The following ZHX2 variants were observed in gnomAD, a reference collection of about 807,000 sequenced individuals.
ZHX2 encodes the protein zinc fingers and homeoboxes protein 2.
ZHX2 carries 6 observed loss-of-function variants against 21.9 expected under a neutral mutation model. The observed-to-expected ratio is 0.27, with a 90% CI of 0.15 to 0.54. The LOEUF (loss-of-function observed/expected upper bound fraction) is 0.54. Ranked by LOEUF, ZHX2 falls within the 20% of genes least tolerant of loss-of-function variation. The pLI, the probability that ZHX2 is intolerant of heterozygous loss-of-function variation, is 0.95. For synonymous variants in ZHX2, 434 were observed against 437.1 expected (o/e 0.99, Z 0.09); for missense variants, 908 against 1,090.7 (o/e 0.83, Z 2.36).
intron 2 of ZHX2, among the ~76,000 whole-genome samples, chr8:122,912,208 C>A (rs1338392514): frequency 6.6e-6 from 1 of 152,214 alleles, no homozygotes; most frequent in Non-Finnish European, 1.5e-5. Context: ...TAACACATAG[C>A]ACAGACTCAG....
chr8:122,921,431 C>T (rs1467408791), intron 2 of ZHX2, among the ~76,000 whole-genome samples: 1 of 152,160 alleles, frequency 6.6e-6, no homozygotes, highest in Non-Finnish European at 1.5e-5. Flanking sequence ...GATGAGCACT[C>T]CGGCTGTTTT....
At chr8:122,865,582 A>G (rs1477294544) in intron 2 of ZHX2, among the ~76,000 whole-genome samples, 5 of 152,172 alleles carry the variant, frequency 3.3e-5, no homozygotes, top group Non-Finnish European at 7.3e-5. Context: ...GGTTCAGAGC[A>G]TGGTCCCTGG....
intron 1 of ZHX2, among the ~76,000 whole-genome samples, chr8:122,799,277 G>T (rs567360024): frequency 1.3e-5 from 2 of 152,298 alleles, no homozygotes; most frequent in South Asian, 2.1e-4. Flanking sequence ...GAGGGAAGTG[G>T]GTTAGGCAGT....
chr8:122,966,814 G>A (rs12334617), intron 3 of ZHX2, among the ~76,000 whole-genome samples: 8,751 of 152,128 alleles, frequency 0.058, 845 homozygotes, highest in African/African-American at 0.2. Context: ...GTCATTTCAC[G>A]TAATCCCAAA....
chr8:122,858,681 G>C (rs1819093904), intron 1 of ZHX2, among the ~76,000 whole-genome samples: 1 of 135,454 alleles, frequency 7.4e-6, no homozygotes, highest in African/African-American at 2.8e-5. Flanking sequence ...CACTCTGTTG[G>C]CTAGGCTGGA....
intron 1 of ZHX2, among the ~76,000 whole-genome samples, chr8:122,827,650 A>G (rs2130660764): frequency 6.6e-6 from 1 of 152,358 alleles, no homozygotes; most frequent in East Asian, 1.9e-4. Flanking sequence ...TCAGAATCAG[A>G]ATCTTTAGGG....
At chr8:122,936,863 G>A (rs556433614) in intron 2 of ZHX2, among the ~76,000 whole-genome samples, 25 of 134,514 alleles carry the variant, frequency 1.9e-4, no homozygotes, top group Admixed American at 3.2e-4. Flanking sequence ...GAGCACATTC[G>A]TTCTCCCAAG....
chr8:122,862,371 G>T (rs1444716020), intron 1 of ZHX2, among the ~76,000 whole-genome samples: 1 of 152,208 alleles, frequency 6.6e-6, no homozygotes, highest in Non-Finnish European at 1.5e-5. Flanking sequence ...TTCCCCACGT[G>T]GAGAATGGGC....
At chr8:122,957,327 C>G (rs919957605) in intron 3 of ZHX2, among the ~76,000 whole-genome samples, 4 of 151,844 alleles carry the variant, frequency 2.6e-5, no homozygotes, top group Non-Finnish European at 5.9e-5. Context: ...TGCAGGAACC[C>G]CACTTTATGT....
intron 2 of ZHX2, among the ~76,000 whole-genome samples, chr8:122,885,355 A>G (rs901822932): frequency 5.3e-5 from 8 of 152,262 alleles, no homozygotes; most frequent in African/African-American, 1.9e-4. Flanking sequence ...GCCAGTCTGC[A>G]TGCATCAGCA....
chr8:122,869,266 C>CCCT (rs1415988734), intron 2 of ZHX2, among the ~76,000 whole-genome samples: 1 of 152,104 alleles, frequency 6.6e-6, no homozygotes, highest in Non-Finnish European at 1.5e-5. Flanking sequence ...TCCTATCCCA[C>CCCT]CCTCCCATTC....
intron 2 of ZHX2, among the ~76,000 whole-genome samples, chr8:122,918,959 A>C (rs931909356): frequency 2.6e-5 from 4 of 152,042 alleles, no homozygotes; most frequent in Admixed American, 6.6e-5. Flanking sequence ...AAAAAAAAAA[A>C]AAAACTTTAT....
intron 2 of ZHX2, among the ~76,000 whole-genome samples, chr8:122,909,965 C>T (rs1426182254): frequency 1.3e-5 from 2 of 152,132 alleles, no homozygotes; most frequent in Non-Finnish European, 2.9e-5. Context: ...GGAAGGGCAG[C>T]CTCTCAGAAA....
chr8:122,886,495 A>G (rs1819845302), intron 2 of ZHX2, among the ~76,000 whole-genome samples: 1 of 152,170 alleles, frequency 6.6e-6, no homozygotes, highest in Admixed American at 6.5e-5. Context: ...ATGTATTCAT[A>G]TTGGTTCATC....
chr8:122,883,994 C>T (rs1819776272), intron 2 of ZHX2, among the ~76,000 whole-genome samples: 1 of 152,206 alleles, frequency 6.6e-6, no homozygotes, highest in Non-Finnish European at 1.5e-5. Context: ...TTGTGAACCT[C>T]ATAGAGTGAA....
intron 2 of ZHX2, among the ~76,000 whole-genome samples, chr8:122,887,050 CGTGTGTGTGTGTGTGTGTGTGTGT>C (rs10549696): frequency 7.3e-6 from 1 of 136,372 alleles, no homozygotes; most frequent in Non-Finnish European, 1.6e-5. Flanking sequence ...GCTCTGCCAC[CGTGTGTGTGTGTGTGTGTGTGTGT>C]GTGTGTGTGT....
intron 1 of ZHX2, among the ~76,000 whole-genome samples, chr8:122,834,642 G>A (rs1209588150): frequency 6.6e-6 from 1 of 152,166 alleles, no homozygotes; most frequent in Non-Finnish European, 1.5e-5. Context: ...GGGGTTTGAG[G>A]GCCGTCATCA....
intron 1 of ZHX2, among the ~76,000 whole-genome samples, chr8:122,824,603 G>A (rs373592158): frequency 3.2e-4 from 49 of 152,248 alleles, no homozygotes; most frequent in African/African-American, 9.9e-4. Flanking sequence ...TATGTTTTTC[G>A]GAGAAAGAAA....
At chr8:122,869,250 A>C (rs546746226) in intron 2 of ZHX2, among the ~76,000 whole-genome samples, 1 of 151,870 alleles carries the variant, frequency 6.6e-6, no homozygotes, top group Admixed American at 6.5e-5. Flanking sequence ...AGAAGGAGGA[A>C]TATAATCCTA....
Sources: allele counts gnomAD v4.1 joint callset (sites outside exome capture counted in the v4.1 genomes callset), GRCh38; gene constraint gnomAD v4.1.1; transcripts MANE v1.5; gene names NCBI Gene and HGNC (gene_info 2026-07-23, HGNC 2026-07-21).